HS6ST3: variants seen among roughly 807,000 people sequenced by gnomAD.
HS6ST3 encodes the protein heparan-sulfate 6-O-sulfotransferase 3.
In HS6ST3, 12 loss-of-function variants were observed where a neutral mutation model predicts 36.7. The observed-to-expected ratio is 0.33, with a 90% CI of 0.21 to 0.53. HS6ST3 has a LOEUF of 0.53. Ranked by LOEUF, HS6ST3 falls within the 20% of genes least tolerant of loss-of-function variation. The probability of loss-of-function intolerance (pLI) is 0.95; values close to 1 mark genes in which losing one functional copy is unlikely to be tolerated. For synonymous variants in HS6ST3, 240 were observed against 257.5 expected, an observed-to-expected ratio of 0.93 and a Z score of 0.65; for missense variants, 584 against 640.9, an observed-to-expected ratio of 0.91 and a Z score of 0.96.
intron 1 of HS6ST3, among the ~76,000 whole-genome samples, chr13:96,434,681 C>T (rs142448298): frequency 6.6e-6 from 1 of 152,180 alleles, no homozygotes; most frequent in African/African-American, 2.4e-5. Flanking sequence ...CCAAGCTGCC[C>T]ACCCTTCTTC....
chr13:96,308,778 C>A lies in HS6ST3; in HGVS notation c.707+217209C>A, dbSNP rs112215456. Reference sequence around the variant, plus strand: ...GCTCACAGCTTCATAAATATGCATTCTATTCTAGGAAGCAAAGATTCTATC... The same window carrying A: ...GCTCACAGCTTCATAAATATGCATTATATTCTAGGAAGCAAAGATTCTATC... On this transcript the variant is annotated intron_variant, in intron 1 of 1. Transcript: ENST00000376705. 4.4e-3 allele frequency among the ~76,000 whole-genome samples: 666 copies of A among 152,168 alleles called. 3 individuals are homozygous for A. Among genetic ancestry groups the A allele is most frequent in the African/African-American group, 0.015 (618 of 41,552 alleles).
chr13:96,739,453 G>A lies in HS6ST3; in HGVS notation c.708-93037G>A, dbSNP rs1437198452. Among the ~76,000 whole-genome samples the A allele has an allele frequency of 3.3e-5, 5 of 152,142 alleles. No homozygotes were observed. The South Asian group carries it at 6.2e-4, about 19-fold the overall frequency. On this transcript the variant is annotated intron_variant, in intron 1 of 1. Coordinates refer to ENST00000376705, the MANE Select transcript of HS6ST3 (RefSeq NM_153456.4). ...CAAGCCTCCCAATCTTAGGATATCA[G>A]AGACTGAACTGCTCACTTTCCCCCA...
intron 1 of HS6ST3, among the ~76,000 whole-genome samples, chr13:96,450,049 T>C (rs769510614): frequency 2.6e-5 from 4 of 152,218 alleles, no homozygotes; most frequent in Non-Finnish European, 5.9e-5. Flanking sequence ...ATTTTGGCCC[T>C]TTCCCCATAT....
At chr13:96,648,745 TGC>T (rs2056597643) in intron 1 of HS6ST3, among the ~76,000 whole-genome samples, 1 of 152,044 alleles carries the variant, frequency 6.6e-6, no homozygotes, top group Non-Finnish European at 1.5e-5. Context: ...AGTGAGACCA[TGC>T]GGTGTTTGGT....
intron 1 of HS6ST3, among the ~76,000 whole-genome samples, chr13:96,562,674 GCAT>G (rs997609139): frequency 6.6e-6 from 1 of 151,802 alleles, no homozygotes; most frequent in Non-Finnish European, 1.5e-5. Context: ...CTTTTTTTCA[GCAT>G]CATAACATTA....
At chr13:96,691,495 A>G (rs1874953710) in intron 1 of HS6ST3, among the ~76,000 whole-genome samples, 1 of 152,114 alleles carries the variant, frequency 6.6e-6, no homozygotes, top group Admixed American at 6.6e-5. Flanking sequence ...TAAGATGGCA[A>G]TATTGGTCCA....
At chr13:96,577,921 A>G (rs1008950874) in intron 1 of HS6ST3, among the ~76,000 whole-genome samples, 1 of 152,224 alleles carries the variant, frequency 6.6e-6, no homozygotes, top group Non-Finnish European at 1.5e-5. Context: ...ACCATTGTGG[A>G]AGACTGTATA....
At chr13:96,260,471 C>T (rs2054660107) in intron 1 of HS6ST3, among the ~76,000 whole-genome samples, 1 of 151,430 alleles carries the variant, frequency 6.6e-6, no homozygotes, top group African/African-American at 2.4e-5. Flanking sequence ...ACCACAACAC[C>T]CAGCTAATTT....
chr13:96,359,443 C>T (rs1334177356), intron 1 of HS6ST3, among the ~76,000 whole-genome samples: 1 of 152,186 alleles, frequency 6.6e-6, no homozygotes, highest in Non-Finnish European at 1.5e-5. Context: ...TTAATCAGTA[C>T]ACTTTTAGAA....
intron 1 of HS6ST3, among the ~76,000 whole-genome samples, chr13:96,205,268 C>T (rs1055312138): frequency 3.3e-5 from 5 of 152,072 alleles, no homozygotes; most frequent in East Asian, 1.9e-4. Flanking sequence ...CCTTCCAAGA[C>T]TGAACCAGGA....
intron 1 of HS6ST3, among the ~76,000 whole-genome samples, chr13:96,829,679 C>T (rs184753551): frequency 2.1e-4 from 32 of 152,216 alleles, no homozygotes; most frequent in African/African-American, 6.5e-4. Flanking sequence ...TTTATGGATG[C>T]ATAGTATTCC....
intron 1 of HS6ST3, among the ~76,000 whole-genome samples, chr13:96,232,752 C>T (rs1435780154): frequency 1.3e-5 from 2 of 152,072 alleles, no homozygotes; most frequent in Non-Finnish European, 2.9e-5. Flanking sequence ...TGATCGGTAC[C>T]TAAAGATGAT....
At chr13:96,582,208 A>G (rs1332860090) in intron 1 of HS6ST3, among the ~76,000 whole-genome samples, 4 of 152,358 alleles carry the variant, frequency 2.6e-5, no homozygotes, top group African/African-American at 9.6e-5. Context: ...TAAGAAGGAC[A>G]GGTTTGCAAT....
At position 96,115,521 on chromosome 13, in the gene HS6ST3, A is replaced by C. The variant is rs1321900123; in HGVS notation, c.707+23952A>C. The stretch of plus-strand genomic sequence containing the variant: ...GTGTTTGGTTTTCTTTTCCTGTGTT[A>C]GTTTGCTGAGGATGATGGCTTCCAG... On this transcript the variant is annotated intron_variant, in intron 1 of 1. Transcript: ENST00000376705. Among the ~76,000 whole-genome samples the C allele has an allele frequency of 3.9e-5, 6 of 152,158 alleles. 1 individual carries two copies. In the East Asian group the frequency reaches 1.2e-3, roughly 29 times the overall value.
chr13:96,533,344 G>T (rs2056143082), intron 1 of HS6ST3, among the ~76,000 whole-genome samples: 2 of 152,132 alleles, frequency 1.3e-5, no homozygotes, highest in African/African-American at 4.8e-5. Context: ...CAGAGTTTCA[G>T]AAATGATCCT....
chr13:96,219,178 T>C (rs2054442474), intron 1 of HS6ST3, among the ~76,000 whole-genome samples: 1 of 152,172 alleles, frequency 6.6e-6, no homozygotes. Context: ...CTCACTCCCT[T>C]TCACCTTCTT....
intron 1 of HS6ST3, among the ~76,000 whole-genome samples, chr13:96,286,645 A>G (rs1251453782): frequency 6.6e-6 from 1 of 152,128 alleles, no homozygotes; most frequent in Non-Finnish European, 1.5e-5. Context: ...AGCTTAGTGT[A>G]CTTAAGTCTT....
chr13:96,265,998 A>G (rs1393743531), intron 1 of HS6ST3, among the ~76,000 whole-genome samples: 1 of 152,170 alleles, frequency 6.6e-6, no homozygotes, highest in Non-Finnish European at 1.5e-5. Context: ...GGACTACTCC[A>G]TGAAGTAGGA....
chr13:96,507,527 G>A (rs1201669464), intron 1 of HS6ST3, among the ~76,000 whole-genome samples: 1 of 151,940 alleles, frequency 6.6e-6, no homozygotes, highest in African/African-American at 2.4e-5. Flanking sequence ...ATTAATATAA[G>A]GCCCTGGAAA....
Sources: allele counts gnomAD v4.1 joint callset (sites outside exome capture counted in the v4.1 genomes callset), GRCh38; gene constraint gnomAD v4.1.1; transcripts MANE v1.5; gene names NCBI Gene and HGNC (gene_info 2026-07-23, HGNC 2026-07-21).